KCTD8: variants seen among roughly 807,000 people sequenced by gnomAD.
The protein encoded by KCTD8 is BTB/POZ domain-containing protein KCTD8.
KCTD8 carries 27 observed loss-of-function variants against 31.5 expected under a neutral mutation model. The observed-to-expected ratio is 0.86, with a 90% CI of 0.63 to 1.18. The LOEUF is 1.18. Ranked by LOEUF, KCTD8 falls within the 50% of genes most tolerant of loss-of-function variation. The pLI, the probability that KCTD8 is intolerant of heterozygous loss-of-function variation, is 0.00. For missense variants in KCTD8, 658 were observed against 647.7 expected (o/e 1.02, Z -0.17); for synonymous variants, 290 against 280.0 (o/e 1.04, Z -0.36).
rs13143747 is a variant in KCTD8 at position 44,174,943 on chromosome 4, T to C, written c.1269A>G (p.Thr423=). 152,668 of 1,614,084 alleles carry C rather than the reference T, an allele frequency of 0.095. 8,133 individuals are homozygous for C. Among genetic ancestry groups the C allele is most frequent in the Non-Finnish European group, 0.11 (126,591 of 1,179,946 alleles). The change falls in exon 2 of 2, where the codon ACA becomes ACG. Residue 423 remains threonine (T), a synonymous_variant. Transcript: ENST00000360029. ...FQTLISKSRE[T]NLSKKKVCEK... is the part of the protein sequence containing the mutation. ...CACAGACTTTCTTTTTGGACAGATTTGTTTCCCGGGACTTGCTGATGAGGG... is the reference window on the plus strand; with the variant it reads ...CACAGACTTTCTTTTTGGACAGATTCGTTTCCCGGGACTTGCTGATGAGGG...
chr4:44,180,700 C>A (rs1713355667), intron 1 of KCTD8, among the ~76,000 whole-genome samples: 1 of 151,894 alleles, frequency 6.6e-6, no homozygotes, highest in African/African-American at 2.4e-5. Context: ...CCTGGTTCAG[C>A]CACTCCAACC....
chr4:44,393,533 C>T (rs745862932), intron 1 of KCTD8, among the ~76,000 whole-genome samples: 1 of 142,184 alleles, frequency 7.0e-6, no homozygotes, highest in Non-Finnish European at 1.5e-5. Context: ...AAAAAAAAAA[C>T]ACATGAAAAA....
At chr4:44,432,229 A>G (rs936181810) in intron 1 of KCTD8, among the ~76,000 whole-genome samples, 2 of 151,562 alleles carry the variant, frequency 1.3e-5, no homozygotes, top group Admixed American at 6.6e-5. Flanking sequence ...ATTTGTAAAA[A>G]AAATTATTTA....
chr4:44,186,735 T>G (rs1256145730), intron 1 of KCTD8, among the ~76,000 whole-genome samples: 3 of 152,236 alleles, frequency 2.0e-5, no homozygotes, highest in Non-Finnish European at 4.4e-5. Flanking sequence ...CAAGGGAATT[T>G]TTCCCGTTTC....
At chr4:44,218,473 G>A (rs990769650) in intron 1 of KCTD8, among the ~76,000 whole-genome samples, 3 of 151,276 alleles carry the variant, frequency 2.0e-5, no homozygotes, top group Non-Finnish European at 2.9e-5. Context: ...GTAACTCAAA[G>A]GATAAATGCT....
At chr4:44,214,178 T>G (rs1436885391) in intron 1 of KCTD8, among the ~76,000 whole-genome samples, 1 of 152,204 alleles carries the variant, frequency 6.6e-6, no homozygotes, top group African/African-American at 2.4e-5. Context: ...TTGAATCTCT[T>G]ATTTTGTAGG....
rs1015605433 is a variant in KCTD8, at chr4:44,374,198, A to C, written c.961+73365T>G. 2.0e-5 allele frequency among the ~76,000 whole-genome samples: 3 copies of C among 152,202 alleles called. No individual in the cohort carries two copies. In the East Asian group the frequency reaches 5.8e-4, roughly 29 times the overall value. On this transcript the variant is annotated intron_variant, in intron 1 of 1. Transcript: ENST00000360029. ...TAGACCCAAATTTAAAGTGAAGATT[A>C]ACGCAAAAATGCATATAGATGTGCT...
intron 1 of KCTD8, among the ~76,000 whole-genome samples, chr4:44,289,927 C>G (rs35071582): frequency 0.12 from 17,686 of 152,060 alleles, 1,136 homozygotes; most frequent in Non-Finnish European, 0.14. Context: ...AAAATAAAAG[C>G]TAACAATATG....
intron 1 of KCTD8, among the ~76,000 whole-genome samples, chr4:44,215,878 A>T (rs958252587): frequency 5.3e-5 from 8 of 152,174 alleles, no homozygotes; most frequent in Non-Finnish European, 1.0e-4. Context: ...AAGCCCAGAA[A>T]CAGGTACCCT....
chr4:44,295,355 C>G lies in KCTD8; in HGVS notation c.962-120105G>C, dbSNP rs571966557. ...ACTATTAGTGCATCCTCTGATGGGGCCTTTTAGAACTAAAATGCTGGCAAT... is the reference window on the plus strand; with the variant it reads ...ACTATTAGTGCATCCTCTGATGGGGGCTTTTAGAACTAAAATGCTGGCAAT... On this transcript the variant is annotated intron_variant, in intron 1 of 1. Coordinates refer to ENST00000360029, the MANE Select transcript of KCTD8 (RefSeq NM_198353.3). 2.6e-5 allele frequency among the ~76,000 whole-genome samples: 4 copies of G among 152,006 alleles called. No homozygotes were observed. The South Asian group carries it at 8.3e-4, about 32-fold the overall frequency.
chr4:44,201,357 C>A (rs1211983407), intron 1 of KCTD8, among the ~76,000 whole-genome samples: 1 of 151,950 alleles, frequency 6.6e-6, no homozygotes, highest in Non-Finnish European at 1.5e-5. Context: ...CAAAGCAATT[C>A]AAAGCAAAAA....
At chr4:44,446,133 T>A (rs1359558868) in intron 1 of KCTD8, among the ~76,000 whole-genome samples, 3 of 152,210 alleles carry the variant, frequency 2.0e-5, no homozygotes, top group Non-Finnish European at 4.4e-5. Context: ...TGAGAACCTG[T>A]GTGCTGTGGT....
rs2109489928 is a variant in KCTD8 at position 44,447,920 on chromosome 4, G to C, written c.604C>G (p.Gln202Glu). Residue 202 changes from glutamine (Q) to glutamate (E), a missense_variant, in exon 1 of 2, where the codon CAG becomes GAG. Transcript: ENST00000360029. ...GTGAGGAAGCCCGAGCGCTTGTCCT[G>C]CGCGCCGCCGCCGCCGCCACCACCG... ...AHGGGGGGGA[Q>E]DKRSGFLTLG... 1 of 1,437,664 alleles carries C rather than the reference G, an allele frequency of 7.0e-7. No individual in the cohort carries two copies. The highest frequency in any genetic ancestry group is 2.9e-5 in the East Asian group (1 of 33,918). The allele number at this position is 1,437,664 out of a possible 1,614,324, so 89.1% of individuals were successfully genotyped here. A position where few individuals can be genotyped will look rare whatever the true frequency, so the allele number is the denominator to read the frequency against.
intron 1 of KCTD8, among the ~76,000 whole-genome samples, chr4:44,253,634 G>A (rs1715906556): frequency 6.6e-6 from 1 of 151,682 alleles, no homozygotes; most frequent in African/African-American, 2.4e-5. Flanking sequence ...AATGGATATA[G>A]AGAGATCCCA....
At chr4:44,262,524 G>A (rs1278148345) in intron 1 of KCTD8, among the ~76,000 whole-genome samples, 4 of 151,988 alleles carry the variant, frequency 2.6e-5, no homozygotes, top group African/African-American at 9.7e-5. Flanking sequence ...CCTGTACCTT[G>A]GAGTGAGGGA....
At chr4:44,183,210 T>A (rs1290388714) in intron 1 of KCTD8, among the ~76,000 whole-genome samples, 1 of 152,196 alleles carries the variant, frequency 6.6e-6, no homozygotes, top group Non-Finnish European at 1.5e-5. Flanking sequence ...ATGGCTATGG[T>A]AAGAAGCAAA....
chr4:44,179,830 A>C (rs1341401195), intron 1 of KCTD8, among the ~76,000 whole-genome samples: 2 of 152,154 alleles, frequency 1.3e-5, no homozygotes, highest in Admixed American at 1.3e-4. Flanking sequence ...ACTAAGATAC[A>C]ATAACTTAAA....
intron 1 of KCTD8, among the ~76,000 whole-genome samples, chr4:44,251,445 A>G (rs781464222): frequency 4.0e-5 from 6 of 151,692 alleles, no homozygotes; most frequent in Non-Finnish European, 8.9e-5. Context: ...CTTTATAAAC[A>G]TAAGCATTGT....
At chr4:44,336,784 T>C (rs529046001) in intron 1 of KCTD8, among the ~76,000 whole-genome samples, 1 of 152,230 alleles carries the variant, frequency 6.6e-6, no homozygotes, top group East Asian at 1.9e-4. Context: ...AAATGTATGA[T>C]ATCTACATAC....
Sources: allele counts gnomAD v4.1 joint callset (sites outside exome capture counted in the v4.1 genomes callset), GRCh38; gene constraint gnomAD v4.1.1; transcripts MANE v1.5; gene names NCBI Gene and HGNC (gene_info 2026-07-23, HGNC 2026-07-21).